Variants in CD59 observed in about 807,000 individuals in gnomAD.
CD59 encodes CD59 molecule (CD59 blood group).
Under a neutral mutation model 7.0 loss-of-function variants are expected in CD59, and 3 were observed. The observed-to-expected ratio is 0.43, with a 90% CI of 0.19 to 1.10. CD59 has a LOEUF of 1.10. CD59 is among the 50% of genes least tolerant of loss of function. CD59 has a pLI of 0.29. For synonymous variants in CD59, 60 were observed against 62.0 expected, an observed-to-expected ratio of 0.97 and a Z score of 0.15; for missense variants, 143 against 151.0, an observed-to-expected ratio of 0.95 and a Z score of 0.28.
chr11:33,728,071 A>G (rs1376045819), intron 1 of CD59, among the ~76,000 whole-genome samples: 1 of 152,226 alleles, frequency 6.6e-6, no homozygotes, highest in African/African-American at 2.4e-5. Flanking sequence ...GGAAGAATCA[A>G]TATCATGAAA....
At chr11:33,733,387 C>T (rs1052422139) in intron 1 of CD59, 8 of 152,180 alleles carry the variant, frequency 5.3e-5, no homozygotes, top group East Asian at 3.9e-4. Flanking sequence ...GAGGCTGAGG[C>T]GGGTGGATCA....
At chr11:33,713,123 A>G (rs1337553299) in intron 3 of CD59, among the ~76,000 whole-genome samples, 2 of 152,190 alleles carry the variant, frequency 1.3e-5, no homozygotes, top group African/African-American at 2.4e-5. Context: ...AATAAAGGCC[A>G]GAAGTATATA....
intron 2 of CD59, chr11:33,718,678 A>T (rs1853913520): frequency 6.6e-6 from 1 of 152,224 alleles, no homozygotes; most frequent in Non-Finnish European, 1.5e-5. Flanking sequence ...ACACAACGTG[A>T]GGGTCATCTT....
intron 3 of CD59, among the ~76,000 whole-genome samples, chr11:33,712,089 T>C (rs750607911): frequency 1.3e-5 from 2 of 152,264 alleles, no homozygotes; most frequent in African/African-American, 2.4e-5. Flanking sequence ...ACTTCGTTTA[T>C]GTTTCTATTG....
intron 3 of CD59, among the ~76,000 whole-genome samples, chr11:33,710,746 G>A (rs1328586991): frequency 1.3e-5 from 2 of 149,528 alleles, no homozygotes; most frequent in African/African-American, 5.0e-5. Context: ...AGAGAGATAA[G>A]GTCTCACTTT....
chr11:33,717,578 C>T, intron 2 of CD59, 107 bp from the exon 3 acceptor site: 1 of 725,392 alleles, frequency 1.4e-6, no homozygotes, highest in Non-Finnish European at 2.5e-6. Flanking sequence ...TTGTGGTATA[C>T]TTCCACTCCC....
In CD59 at chr11:33,705,432, C is replaced by T. The variant is rs544001307; in HGVS notation, c.*4694G>A. 6.6e-6 allele frequency: 1 copy of T among 152,406 alleles called. No homozygotes were observed. Among genetic ancestry groups the T allele is most frequent in the Admixed American group, 6.5e-5 (1 of 15,308 alleles). 9.4% of individuals were successfully genotyped at this position (152,406 alleles called of 1,614,324 possible). A position where few individuals can be genotyped will look rare whatever the true frequency, so the allele number is the denominator to read the frequency against. On this transcript the variant is annotated 3_prime_UTR_variant, in exon 4 of 4. Transcript: ENST00000642928. ...ATCGGTAGCCTCTTTGGTATGGCCA[C>T]TATGGTGGTAGACACTGTCTACCTT...
intron 1 of CD59, among the ~76,000 whole-genome samples, chr11:33,727,211 G>C (rs1854284114): frequency 6.6e-6 from 1 of 152,082 alleles, no homozygotes; most frequent in East Asian, 1.9e-4. Flanking sequence ...ACCTGGCAGA[G>C]ACACAACAAC....
Position 33,707,805 on chromosome 11 carries a change from G to C in CD59, c.*2321C>G, listed in dbSNP as rs1438086935. The C allele has an allele frequency of 1.3e-5, 2 of 152,232 alleles. No homozygotes were observed. Among genetic ancestry groups the C allele is most frequent in the Non-Finnish European group, 1.5e-5 (1 of 68,040 alleles). 9.4% of individuals were successfully genotyped at this position (152,232 alleles called of 1,614,324 possible). On this transcript the variant is annotated 3_prime_UTR_variant, in exon 4 of 4. Coordinates refer to ENST00000642928, the MANE Select transcript of CD59 (RefSeq NM_000611.6). Reference sequence around the variant, plus strand: ...CCTCTACCTTAAGCTTACCCAGCGTGAGGCCAGGTTAGAAAGTCACAGGCC... The same window carrying C: ...CCTCTACCTTAAGCTTACCCAGCGTCAGGCCAGGTTAGAAAGTCACAGGCC...
intron 1 of CD59, chr11:33,731,514 T>C (rs1023198161): frequency 1.3e-5 from 2 of 152,164 alleles, no homozygotes; most frequent in Non-Finnish European, 2.9e-5. Context: ...TCTCAAACTT[T>C]AGGGAGCATC....
rs1350345364 is a variant in CD59, at chr11:33,721,497, T to TC, written c.67+881dup. 2.0e-5 allele frequency among the ~76,000 whole-genome samples: 3 copies of TC among 151,912 alleles called. 1 individual carries two copies. The South Asian group carries it at 6.2e-4, about 32-fold the overall frequency. The stretch of plus-strand genomic sequence containing the variant: ...ACTGTATTGCCACTTTCTTTTCTGC[T>TC]CCCCCCACCAACCATATTTATAAAA... On this transcript the variant is annotated intron_variant, in intron 2 of 3. Transcript: ENST00000642928.
chr11:33,708,211 G>A lies in CD59; in HGVS notation c.*1915C>T, dbSNP rs997177722. 6.6e-6 allele frequency: 1 copy of A among 152,132 alleles called. No individual in the cohort carries two copies. Among genetic ancestry groups the A allele is most frequent in the African/African-American group, 2.4e-5 (1 of 41,404 alleles). The allele number at this position is 152,132 out of a possible 1,614,324, so 9.4% of individuals were successfully genotyped here. A position where few individuals can be genotyped will look rare whatever the true frequency, so the allele number is the denominator to read the frequency against. On this transcript the variant is annotated 3_prime_UTR_variant, in exon 4 of 4. Transcript: ENST00000642928. Reference sequence around the variant, plus strand: ...GAGTCACAGCAACTTTTTGCAGAAAGCAACCCCAAAGTTTAAGGCCATTTA... The same window carrying A: ...GAGTCACAGCAACTTTTTGCAGAAAACAACCCCAAAGTTTAAGGCCATTTA...
At chr11:33,715,551 G>C (rs891389052) in intron 3 of CD59, among the ~76,000 whole-genome samples, 1 of 152,084 alleles carries the variant, frequency 6.6e-6, no homozygotes, top group Non-Finnish European at 1.5e-5. Context: ...AGTGAGCCAA[G>C]ATTGCACCAC....
rs1853230288 is a variant in CD59 at position 33,704,503 on chromosome 11, A to C, written c.*5623T>G. ...TAATCGCGCCAGCCTCACACCTGAGAAGCTGCTTCTACGACCTGCTGAGGA... is the reference window on the plus strand; with the variant it reads ...TAATCGCGCCAGCCTCACACCTGAGCAGCTGCTTCTACGACCTGCTGAGGA... On this transcript the variant is annotated 3_prime_UTR_variant, in exon 4 of 4. Transcript: ENST00000642928. 6.6e-6 allele frequency: 1 copy of C among 152,182 alleles called. No homozygotes were observed. Among genetic ancestry groups the C allele is most frequent in the African/African-American group, 2.4e-5 (1 of 41,434 alleles). 9.4% of individuals were successfully genotyped at this position (152,182 alleles called of 1,614,324 possible).
intron 1 of CD59, among the ~76,000 whole-genome samples, chr11:33,730,171 G>A (rs977347145): frequency 6.6e-6 from 1 of 152,054 alleles, no homozygotes; most frequent in African/African-American, 2.4e-5. Context: ...GATCTTGCCT[G>A]TAATTTCAGC....
intron 2 of CD59, chr11:33,719,603 C>G (rs544565637): frequency 6.6e-6 from 1 of 152,312 alleles, no homozygotes; most frequent in African/African-American, 2.4e-5. Context: ...GCCTGGGAGA[C>G]AGAGCGAGAC....
chr11:33,708,595 C>T lies in CD59; in HGVS notation c.*1531G>A, dbSNP rs1853410397. On this transcript the variant is annotated 3_prime_UTR_variant, in exon 4 of 4. Coordinates refer to ENST00000642928, the MANE Select transcript of CD59 (RefSeq NM_000611.6). ...GCTGTGGGCATGGTCAGTACTTCCT[C>T]AGGCCAAAAAAAAAAAAAAAAACCT... The T allele has an allele frequency of 1.4e-5, 2 of 141,692 alleles. No individual in the cohort carries two copies. Among genetic ancestry groups the T allele is most frequent in the Non-Finnish European group, 3.0e-5 (2 of 66,064 alleles). The allele number at this position is 141,692 out of a possible 1,614,324, so 8.8% of individuals were successfully genotyped here.
chr11:33,719,351 G>A (rs572658075), intron 2 of CD59: 1 of 152,394 alleles, frequency 6.6e-6, no homozygotes, highest in South Asian at 2.1e-4. Flanking sequence ...GCCAGGTGTG[G>A]CGGCTCACAC....
intron 2 of CD59, among the ~76,000 whole-genome samples, chr11:33,721,197 C>T (rs760171270): frequency 4.6e-5 from 7 of 152,162 alleles, no homozygotes; most frequent in Non-Finnish European, 7.4e-5. Context: ...GCTAGAATCA[C>T]GGAAGGTGGG....
Sources: allele counts gnomAD v4.1 joint callset (sites outside exome capture counted in the v4.1 genomes callset), GRCh38; gene constraint gnomAD v4.1.1; transcripts MANE v1.5; gene names NCBI Gene and HGNC (gene_info 2026-07-23, HGNC 2026-07-21).